Variants in LPP observed in about 807,000 individuals in gnomAD.
LPP encodes the protein LIM domain containing preferred translocation partner in lipoma, also known as lipoma-preferred partner.
A neutral mutation model predicts 60.4 loss-of-function variants in LPP; 38 were observed. The ratio of observed to expected loss-of-function variants is 0.63; its 90% CI spans 0.49 to 0.83. LPP has a LOEUF of 0.83. Ranked by LOEUF, LPP falls within the 40% of genes least tolerant of loss-of-function variation. The probability of loss-of-function intolerance (pLI) is 0.00; values close to 1 mark genes in which losing one functional copy is unlikely to be tolerated. For missense variants in LPP, 902 were observed against 783.6 expected, an observed-to-expected ratio of 1.15 and a Z score of -1.80; for synonymous variants, 328 against 290.8, an observed-to-expected ratio of 1.13 and a Z score of -1.30.
At chr3:188,625,101 C>T (rs775441876) in intron 7 of LPP, among the ~76,000 whole-genome samples, 1 of 152,096 alleles carries the variant, frequency 6.6e-6, no homozygotes, top group Non-Finnish European at 1.5e-5. Context: ...TAATTTCAGT[C>T]ATAAAAATGT....
At chr3:188,594,853 C>T (rs1218559915) in intron 6 of LPP, among the ~76,000 whole-genome samples, 1 of 152,100 alleles carries the variant, frequency 6.6e-6, no homozygotes, top group Non-Finnish European at 1.5e-5. Flanking sequence ...TGACACCACT[C>T]ATAATTACCA....
At chr3:188,523,083 T>G (rs1009481333) in intron 5 of LPP, among the ~76,000 whole-genome samples, 1 of 151,904 alleles carries the variant, frequency 6.6e-6, no homozygotes, top group Admixed American at 6.6e-5. Context: ...AATTTTTGTA[T>G]TTTTAGTGGA....
At chr3:188,800,000 C>T (rs1746532767) in intron 9 of LPP, among the ~76,000 whole-genome samples, 1 of 152,060 alleles carries the variant, frequency 6.6e-6, no homozygotes, top group Non-Finnish European at 1.5e-5. Context: ...CACAGTAGTA[C>T]ACACATTGTT....
intron 2 of LPP, among the ~76,000 whole-genome samples, chr3:188,226,711 A>T (rs939587266): frequency 6.6e-6 from 1 of 152,198 alleles, no homozygotes; most frequent in Non-Finnish European, 1.5e-5. Context: ...CTGAGTAATT[A>T]ATACACCTTG....
At chr3:188,401,726 T>C (rs1408627443) in intron 3 of LPP, among the ~76,000 whole-genome samples, 12 of 152,124 alleles carry the variant, frequency 7.9e-5, no homozygotes, top group Non-Finnish European at 2.9e-5. Context: ...TGATAAATAT[T>C]TCCACTCTCA....
intron 6 of LPP, among the ~76,000 whole-genome samples, chr3:188,595,952 C>A (rs1560611667): frequency 6.6e-6 from 1 of 152,192 alleles, no homozygotes; most frequent in Non-Finnish European, 1.5e-5. Flanking sequence ...AATCACCCCT[C>A]CTTTGCCTCA....
Position 188,869,724 on chromosome 3 carries a change from G to A in LPP, c.1590-2919G>A, listed in dbSNP as rs532936535. ...ATTCTGGATTTCTGTCAAGCTCCCAGGTGCCCATGGCCTGCACTTTGTGTA... is the reference window on the plus strand; with the variant it reads ...ATTCTGGATTTCTGTCAAGCTCCCAAGTGCCCATGGCCTGCACTTTGTGTA... On this transcript the variant is annotated intron_variant, in intron 10 of 11. Transcript: ENST00000617246. 6.6e-5 allele frequency among the ~76,000 whole-genome samples: 10 copies of A among 152,324 alleles called. No individual in the cohort carries two copies. The East Asian group carries it at 1.9e-3, about 29-fold the overall frequency.
chr3:188,498,062 C>T (rs931478446), intron 5 of LPP, among the ~76,000 whole-genome samples: 1 of 152,166 alleles, frequency 6.6e-6, no homozygotes, highest in Non-Finnish European at 1.5e-5. Context: ...GGTTTACCAC[C>T]TCTGATTCTG....
At chr3:188,838,354 C>T (rs1340989133) in intron 9 of LPP, among the ~76,000 whole-genome samples, 2 of 152,092 alleles carry the variant, frequency 1.3e-5, no homozygotes, top group Non-Finnish European at 2.9e-5. Flanking sequence ...TCATATGCAC[C>T]TTTTGAAACT....
At chr3:188,801,053 C>T (rs984881212) in intron 9 of LPP, among the ~76,000 whole-genome samples, 5 of 152,176 alleles carry the variant, frequency 3.3e-5, no homozygotes, top group Non-Finnish European at 5.9e-5. Context: ...CTTCTCCGAA[C>T]TCACACACAC....
intron 9 of LPP, among the ~76,000 whole-genome samples, chr3:188,766,005 G>A (rs1167430368): frequency 1.3e-5 from 2 of 150,986 alleles, no homozygotes; most frequent in Non-Finnish European, 1.5e-5. Flanking sequence ...TGAGTAGCTG[G>A]GATTACAGGC....
At chr3:188,781,186 C>G (rs189472421) in intron 9 of LPP, among the ~76,000 whole-genome samples, 6 of 152,204 alleles carry the variant, frequency 3.9e-5, no homozygotes, top group African/African-American at 1.4e-4. Context: ...ATATTTGGAA[C>G]AGTGGCTAGT....
In LPP at chr3:188,837,285, A is replaced by G. The variant is rs566078420; in HGVS notation, c.1411-28915A>G. 3.4e-4 allele frequency among the ~76,000 whole-genome samples: 52 copies of G among 151,938 alleles called. 1 individual carries two copies. Among genetic ancestry groups the G allele is most frequent in the African/African-American group, 1.2e-3 (51 of 41,438 alleles). On this transcript the variant is annotated intron_variant, in intron 9 of 11. Coordinates refer to ENST00000617246, the MANE Select transcript of LPP (RefSeq NM_001375462.1). ...TCCCAGCTACTCGGGAGGCTGAGGC[A>G]GGAGAATTGCTTGAACCTGGGAGGT...
intron 5 of LPP, among the ~76,000 whole-genome samples, chr3:188,514,492 A>G (rs958979322): frequency 6.6e-6 from 1 of 150,908 alleles, no homozygotes; most frequent in Non-Finnish European, 1.5e-5. Flanking sequence ...GCTGGAGTGC[A>G]GTGGTAAGAT....
intron 8 of LPP, among the ~76,000 whole-genome samples, chr3:188,747,753 A>T (rs1281309396): frequency 6.6e-6 from 1 of 152,150 alleles, no homozygotes; most frequent in Non-Finnish European, 1.5e-5. Context: ...TGTTCCCTAG[A>T]CGTCACTTCA....
chr3:188,641,730 GT>G (rs1850174107), intron 7 of LPP, among the ~76,000 whole-genome samples: 1 of 152,096 alleles, frequency 6.6e-6, no homozygotes, highest in African/African-American at 2.4e-5. Flanking sequence ...TTTCTTCTTT[GT>G]TTTCTTTTTG....
chr3:188,263,598 C>G (rs192606337), intron 2 of LPP, among the ~76,000 whole-genome samples: 45 of 152,344 alleles, frequency 3.0e-4, no homozygotes, highest in Non-Finnish European at 5.7e-4. Context: ...CTGCACCTCC[C>G]TGCTCCTCAC....
At chr3:188,493,961 TC>T (rs1488290972) in intron 5 of LPP, among the ~76,000 whole-genome samples, 3 of 152,212 alleles carry the variant, frequency 2.0e-5, no homozygotes, top group African/African-American at 7.2e-5. Flanking sequence ...TTATAAATGC[TC>T]TATAAAACTG....
At chr3:188,702,572 G>A (rs1425088105) in intron 7 of LPP, among the ~76,000 whole-genome samples, 1 of 152,072 alleles carries the variant, frequency 6.6e-6, no homozygotes, top group Non-Finnish European at 1.5e-5. Flanking sequence ...CTTGGCACTT[G>A]GTAATCCCGT....
Sources: allele counts gnomAD v4.1 joint callset (sites outside exome capture counted in the v4.1 genomes callset), GRCh38; gene constraint gnomAD v4.1.1; transcripts MANE v1.5; gene names NCBI Gene and HGNC (gene_info 2026-07-23, HGNC 2026-07-21).